The following FAM83H variants were observed in gnomAD, a reference collection of about 807,000 sequenced individuals.
FAM83H encodes the protein scaffolding CK1 anchoring protein H.
FAM83H carries 24 observed loss-of-function variants against 30.2 expected under a neutral mutation model. That is an observed-to-expected ratio of 0.79 (90% confidence interval 0.57 to 1.12). FAM83H has a LOEUF of 1.12. Ranked by LOEUF, FAM83H falls within the 50% of genes most tolerant of loss-of-function variation. The pLI is 0.00. For synonymous variants in FAM83H, 1,013 were observed against 821.7 expected (o/e 1.23, Z -3.98); for missense variants, 2,038 against 1,773.9 (o/e 1.15, Z -2.67).
At position 143,725,437 on chromosome 8, in the gene FAM83H, A is replaced by C; in HGVS notation, c.*484T>G. ...ATAGTGAAACCCTGTCTCTACTAAA[A>C]ATACAAAAACTACCTGGGCGTGGTA... is the stretch of plus-strand genomic sequence containing the variant. On this transcript the variant is annotated 3_prime_UTR_variant, in exon 5 of 5. Transcript: ENST00000388913. 5.7e-6 allele frequency: 1 copy of C among 176,396 alleles called. No individual in the cohort carries two copies. The highest frequency in any genetic ancestry group is 1.2e-5 in the Non-Finnish European group (1 of 82,294). 10.9% of individuals were successfully genotyped at this position (176,396 alleles called of 1,614,324 possible).
At position 143,728,365 on chromosome 8, in the gene FAM83H, C is replaced by G. The variant is rs782789939; in HGVS notation, c.1096G>C (p.Ala366Pro). 9.1e-6 allele frequency: 14 copies of G among 1,543,194 alleles called. No homozygotes were observed. Among genetic ancestry groups the G allele is most frequent in the Admixed American group, 2.0e-5 (1 of 50,712 alleles). The change falls in exon 5 of 5, where the codon GCG (alanine) becomes CCG (proline). Residue 366 changes from alanine to proline, a missense_variant. Physicochemically the swap from Ala to Pro is conservative, Grantham distance 27. Coordinates refer to ENST00000388913, the MANE Select transcript of FAM83H (RefSeq NM_198488.5). ...CGCAGCCCCGCGTGCGGTTCCAGCG[C>G]GCCCCCCGGCATCCGCGGCGGCTCC... ...REEPPRMPGG[A>P]LEPHAGLRPL...
rs181812686 is a variant in FAM83H, at chr8:143,725,843, G to A, written c.*78C>T. ...GCCGCTGCTCAAGCAGATGAGCAGG[G>A]CTCTCTGTTCCGCGGGGCTTCTGGA... On this transcript the variant is annotated 3_prime_UTR_variant, in exon 5 of 5. Transcript: ENST00000388913. 3.3e-3 allele frequency: 5,123 copies of A among 1,572,568 alleles called. 12 individuals carry two copies. The highest frequency in any genetic ancestry group is 3.9e-3 in the Non-Finnish European group (4,482 of 1,158,060).
chr8:143,733,419 C>G lies in FAM83H; in HGVS notation c.-16+272G>C, dbSNP rs570840072. Among the ~76,000 whole-genome samples, 2 of 152,170 alleles carry G rather than the reference C, an allele frequency of 1.3e-5. No individual in the cohort carries two copies. The highest frequency in any genetic ancestry group is 4.8e-5 in the African/African-American group (2 of 41,462). ...TCGGGACGGCCGGGCAGGCTCGACCCGGATCCCGGGCCCCTTCCCCCTCGG... is the reference window on the plus strand; with the variant it reads ...TCGGGACGGCCGGGCAGGCTCGACCGGGATCCCGGGCCCCTTCCCCCTCGG... On this transcript the variant is annotated intron_variant, in intron 1 of 4. Coordinates refer to ENST00000388913, the MANE Select transcript of FAM83H (RefSeq NM_198488.5). The surrounding 1 kb of genome is among the most constrained non-coding windows in gnomAD (Gnocchi z 5.6).
chr8:143,728,869 A>T, intron 4 of FAM83H, 98 bp downstream of exon 4: 1 of 1,602,872 alleles, frequency 6.2e-7, no homozygotes, highest in Non-Finnish European at 8.5e-7. Context: ...TCTACAGGAC[A>T]AGGGCTCCTG....
At chr8:143,731,443 C>G (rs1818518364) in intron 1 of FAM83H, 1 of 985,268 alleles carries the variant, frequency 1.0e-6, no homozygotes, top group African/African-American at 1.7e-5. Flanking sequence ...CCTTAAGCCC[C>G]ACACATAGTC....
In FAM83H at chr8:143,727,499, G is replaced by A. The variant is rs1818344395; in HGVS notation, c.1962C>T (p.Arg654=). ...CCAGGCCAGGCTCCTCCGGGCCCTCGCGCTCTGGGCCGTTGCCGCCGCTGC... is the reference window on the plus strand; with the variant it reads ...CCAGGCCAGGCTCCTCCGGGCCCTCACGCTCTGGGCCGTTGCCGCCGCTGC... ...GPGSGGNGPE[R]EGPEEPGLAK... is the part of the protein sequence containing the mutation. The change falls in exon 5 of 5, where the codon CGC becomes CGT. Residue 654 remains arginine (R), a synonymous_variant. Transcript: ENST00000388913. 12 of 1,569,526 alleles carry A rather than the reference G, an allele frequency of 7.6e-6. No individual in the cohort carries two copies. Among genetic ancestry groups the A allele is most frequent in the African/African-American group, 1.3e-5 (1 of 74,256 alleles).
Position 143,724,521 on chromosome 8 carries a change from C to T in FAM83H, c.*1400G>A, listed in dbSNP as rs1260915998. The T allele has an allele frequency of 1.3e-5, 2 of 152,100 alleles. No individual in the cohort carries two copies. The highest frequency in any genetic ancestry group is 1.3e-4 in the Admixed American group (2 of 15,276). The allele number at this position is 152,100 out of a possible 1,614,324, so 9.4% of individuals were successfully genotyped here. On this transcript the variant is annotated 3_prime_UTR_variant, in exon 5 of 5. Transcript: ENST00000388913. ...GAGTGAAAAGAGATAAAAGATAAGCCAAGAACCCTGGACAGATTCTTGGTG... is the reference window on the plus strand; with the variant it reads ...GAGTGAAAAGAGATAAAAGATAAGCTAAGAACCCTGGACAGATTCTTGGTG...
At chr8:143,729,457 T>G in intron 2 of FAM83H, 134 bp from the exon 3 acceptor site, 2 of 979,000 alleles carry the variant, frequency 2.0e-6, no homozygotes, top group Non-Finnish European at 3.1e-6. Context: ...TCCTAGGGAG[T>G]TGGCGCCACA....
In FAM83H at chr8:143,727,826, G is replaced by C; in HGVS notation, c.1635C>G (p.Thr545=). The C allele has an allele frequency of 7.5e-7, 1 of 1,327,482 alleles. No individual in the cohort carries two copies. Among genetic ancestry groups the C allele is most frequent in the South Asian group, 2.0e-5 (1 of 50,598 alleles). The allele number at this position is 1,327,482 out of a possible 1,614,324, so 82.2% of individuals were successfully genotyped here. Residue 545 remains threonine, a synonymous_variant, in exon 5 of 5, where the codon ACC becomes ACG. Coordinates refer to ENST00000388913, the MANE Select transcript of FAM83H (RefSeq NM_198488.5). ...EPSGAPRPNL[T]QRFPCQAAAR... is the part of the protein sequence containing the mutation. Reference sequence around the variant, plus strand: ...CCGCGGCCTGGCATGGGAAGCGCTGGGTCAGGTTGGGGCGCGGGGCTCCGC... The same window carrying C: ...CCGCGGCCTGGCATGGGAAGCGCTGCGTCAGGTTGGGGCGCGGGGCTCCGC...
intron 4 of FAM83H, 41 bp from the exon 5 acceptor site, chr8:143,728,764 G>A (rs904084808): frequency 1.9e-6 from 3 of 1,598,438 alleles, no homozygotes; most frequent in South Asian, 1.1e-5. Flanking sequence ...GAGCTGGAGC[G>A]AGGGCACTGC....
rs1437563754 is a variant in FAM83H, at chr8:143,727,789, G to T, written c.1672C>A (p.Pro558Thr). The T allele has an allele frequency of 2.2e-6, 3 of 1,366,612 alleles. No homozygotes were observed. The allele number at this position is 1,366,612 out of a possible 1,614,324, so 84.7% of individuals were successfully genotyped here. A position where few individuals can be genotyped will look rare whatever the true frequency, so the allele number is the denominator to read the frequency against. The change falls in exon 5 of 5, where the codon CCA (proline) becomes ACA (threonine). Residue 558 changes from proline (P) to threonine (T), a missense_variant. Coordinates refer to ENST00000388913, the MANE Select transcript of FAM83H (RefSeq NM_198488.5). ...FPCQAAARPG[P>T]DPAPEAEPER... ...GGCTCCGCCTCGGGAGCGGGGTCTGGGCCCGGCCTCGCCGCGGCCTGGCAT... is the reference window on the plus strand; with the variant it reads ...GGCTCCGCCTCGGGAGCGGGGTCTGTGCCCGGCCTCGCCGCGGCCTGGCAT...
rs1231774162 is a variant in FAM83H at position 143,727,286 on chromosome 8, G to A, written c.2175C>T (p.Ala725=). Residue 725 remains alanine (A), a synonymous_variant, in exon 5 of 5, where the codon GCC becomes GCT. Transcript: ENST00000388913. The part of the protein sequence containing the change: ...VSETLGPGGE[A]VRSAASTKVA... ...CCTTGGTGGAAGCCGCGGAGCGCAC[G>A]GCCTCTCCGCCGGGCCCCAGCGTCT... The A allele has an allele frequency of 1.0e-5, 16 of 1,536,796 alleles. No homozygotes were observed. Among genetic ancestry groups the A allele is most frequent in the South Asian group, 1.2e-5 (1 of 84,244 alleles).
At position 143,727,247 on chromosome 8, in the gene FAM83H, C is replaced by T; in HGVS notation, c.2214G>A (p.Leu738=). Residue 738 remains leucine (L), a synonymous_variant, in exon 5 of 5, where the codon CTG becomes CTA. Coordinates refer to ENST00000388913, the MANE Select transcript of FAM83H (RefSeq NM_198488.5). The part of the protein sequence containing the change: ...SAASTKVAEL[L]EKYKGPARDP... ...CACGGGCTGGGCCCTTGTACTTCTC[C>T]AGCAGCTCCGCCACCTTGGTGGAAG... 1 of 1,535,022 alleles carries T rather than the reference C, an allele frequency of 6.5e-7. No individual in the cohort carries two copies. The highest frequency in any genetic ancestry group is 8.7e-7 in the Non-Finnish European group (1 of 1,146,306).
chr8:143,725,748 GC>G lies in FAM83H; in HGVS notation c.*172del. On this transcript the variant is annotated 3_prime_UTR_variant, in exon 5 of 5. Coordinates refer to ENST00000388913, the MANE Select transcript of FAM83H (RefSeq NM_198488.5). ...AGGCCAGGGGGCAGAGACGGCAGCT[GC>G]CAGGTGAGCCTCCAGTGGAGCCGAG... 2 of 1,154,034 alleles carry G rather than the reference GC, an allele frequency of 1.7e-6. No individual in the cohort carries two copies. The highest frequency in any genetic ancestry group is 2.4e-6 in the Non-Finnish European group (2 of 831,742). The allele number at this position is 1,154,034 out of a possible 1,614,324, so 71.5% of individuals were successfully genotyped here. A position where few individuals can be genotyped will look rare whatever the true frequency, so the allele number is the denominator to read the frequency against.
chr8:143,729,483 A>T (rs939770202), intron 2 of FAM83H, among the ~76,000 whole-genome samples, 160 bp from the exon 3 acceptor site: 1 of 152,220 alleles, frequency 6.6e-6, no homozygotes, highest in Non-Finnish European at 1.5e-5. Context: ...GAAGATGGGC[A>T]GGAAGAAGGG....
At chr8:143,729,417 C>T in intron 2 of FAM83H, 94 bp from the exon 3 acceptor site, 1 of 1,404,162 alleles carries the variant, frequency 7.1e-7, no homozygotes, top group Non-Finnish European at 9.9e-7. Flanking sequence ...GTCTGGATCA[C>T]CCACGACCAC....
Position 143,729,149 on chromosome 8 carries a change from G to T in FAM83H, c.612+10C>A. On this transcript the variant is annotated intron_variant, in intron 3 of 4. Coordinates refer to ENST00000388913, the MANE Select transcript of FAM83H (RefSeq NM_198488.5). ...GGGTCCTCCCCAATCTCCCACTCCC[G>T]GGAACTCACATCCACGTGCTGCAGG... is the stretch of plus-strand genomic sequence containing the variant. The T allele has an allele frequency of 1.2e-6, 2 of 1,613,666 alleles. No homozygotes were observed. Among genetic ancestry groups the T allele is most frequent in the Non-Finnish European group, 1.7e-6 (2 of 1,180,018 alleles).
chr8:143,726,719 A>G lies in FAM83H; in HGVS notation c.2742T>C (p.Ser914=), dbSNP rs781782862. 6.2e-7 allele frequency: 1 copy of G among 1,608,056 alleles called. No individual in the cohort carries two copies. The highest frequency in any genetic ancestry group is 8.5e-7 in the Non-Finnish European group (1 of 1,178,544). ...TGCGCTCCGGCACGGGGGGCACCGG[A>G]CTACCCCTGCGCTCGGGGTAGGCTG... ...PTSAYPERRG[S]PVPPVPERRS... is the part of the protein sequence containing the mutation. Residue 914 remains serine (S), a synonymous_variant, in exon 5 of 5, where the codon AGT becomes AGC. Coordinates refer to ENST00000388913, the MANE Select transcript of FAM83H (RefSeq NM_198488.5).
chr8:143,726,044 G>T lies in FAM83H; in HGVS notation c.3417C>A (p.Phe1139Leu). Residue 1139 changes from phenylalanine (F) to leucine (L), a missense_variant, in exon 5 of 5, where the codon TTC (phenylalanine) becomes TTA (leucine). Coordinates refer to ENST00000388913, the MANE Select transcript of FAM83H (RefSeq NM_198488.5). ...EKRVYSRFEV[F>L]CKKEEASSPG... ...GGCTGCTGGCCTCCTCTTTCTTGCA[G>T]AAGACCTCGAAGCGGCTGTACACGC... 1 of 1,612,620 alleles carries T rather than the reference G, an allele frequency of 6.2e-7. No individual in the cohort carries two copies. Among genetic ancestry groups the T allele is most frequent in the Non-Finnish European group, 8.5e-7 (1 of 1,179,800 alleles).
Sources: allele counts gnomAD v4.1 joint callset (sites outside exome capture counted in the v4.1 genomes callset), GRCh38; gene constraint gnomAD v4.1.1; non-coding constraint Gnocchi (gnomAD v3.1); transcripts MANE v1.5; gene names NCBI Gene and HGNC (gene_info 2026-07-23, HGNC 2026-07-21).